TENM3: variants seen among roughly 807,000 people sequenced by gnomAD.
The protein encoded by TENM3 is teneurin-3.
A neutral mutation model predicts 255.1 loss-of-function variants in TENM3; 63 were observed. The ratio of observed to expected loss-of-function variants is 0.25; its 90% CI spans 0.20 to 0.30. The LOEUF (loss-of-function observed/expected upper bound fraction) is 0.30, where lower values mean the gene tolerates loss of function less well. Among genes scored for constraint, TENM3 ranks in the 10% least tolerant of loss-of-function variants. TENM3 has a pLI of 1.00. For synonymous variants in TENM3, 1,306 were observed against 1,322.3 expected (o/e 0.99, Z 0.27); for missense variants, 2,929 against 3,461.1 (o/e 0.85, Z 3.86).
the TENM3 span, among the ~76,000 whole-genome samples, chr4:182,084,177 T>A: frequency 1.3e-5 from 2 of 151,760 alleles, no homozygotes; most frequent in South Asian, 2.1e-4. Context: ...CGCAGACTCG[T>A]TTCTAGCTGC....
chr4:181,615,930 AAAATT>A, the TENM3 span, among the ~76,000 whole-genome samples: 1 of 152,208 alleles, frequency 6.6e-6, no homozygotes, highest in Non-Finnish European at 1.5e-5. Context: ...CTGAGACAGA[AAAATT>A]TTAAGTACTT....
At chr4:182,286,564 G>A (rs1760740900) in intron 1 of TENM3, among the ~76,000 whole-genome samples, 1 of 152,182 alleles carries the variant, frequency 6.6e-6, no homozygotes, top group African/African-American at 2.4e-5. Flanking sequence ...AGATGCAGAA[G>A]GTTGTGGGTG....
the TENM3 span, among the ~76,000 whole-genome samples, chr4:181,653,649 T>C: frequency 6.6e-6 from 1 of 151,848 alleles, no homozygotes; most frequent in Non-Finnish European, 1.5e-5. Context: ...TCTGCCCGCC[T>C]TGGCCTCCCA....
intron 3 of TENM3, among the ~76,000 whole-genome samples, chr4:182,394,095 C>T (rs1374575467): frequency 6.6e-6 from 1 of 150,938 alleles, no homozygotes; most frequent in Non-Finnish European, 1.5e-5. Flanking sequence ...TGGGCTATTT[C>T]AAAACCTACA....
At chr4:182,560,950 T>C (rs1297190996) in intron 3 of TENM3, among the ~76,000 whole-genome samples, 1 of 152,190 alleles carries the variant, frequency 6.6e-6, no homozygotes, top group African/African-American at 2.4e-5. Context: ...AGAAGTAGTG[T>C]AGGATAGAGT....
At chr4:181,892,605 G>T in the TENM3 span, among the ~76,000 whole-genome samples, 1 of 152,162 alleles carries the variant, frequency 6.6e-6, no homozygotes, top group East Asian at 1.9e-4. Flanking sequence ...ATTGTTTCTT[G>T]CCTCTTAGAG....
At chr4:182,482,128 G>A (rs1369191495) in intron 3 of TENM3, among the ~76,000 whole-genome samples, 1 of 152,080 alleles carries the variant, frequency 6.6e-6, no homozygotes, top group Non-Finnish European at 1.5e-5. Context: ...ATTAAATATT[G>A]TATCTATAAC....
chr4:181,680,897 G>T, the TENM3 span, among the ~76,000 whole-genome samples: 1 of 151,960 alleles, frequency 6.6e-6, no homozygotes, highest in East Asian at 1.9e-4. Context: ...TGTCCATGCA[G>T]GTAAATACTG....
the TENM3 span, among the ~76,000 whole-genome samples, chr4:182,100,648 C>CACACACATATATACACACATATAT: frequency 1.2e-5 from 1 of 84,014 alleles, no homozygotes; most frequent in East Asian, 3.2e-4. Flanking sequence ...CATATATATA[C>CACACACATATATACACACATATAT]ACATATATAC....
chr4:182,105,624 C>A, the TENM3 span, among the ~76,000 whole-genome samples: 42 of 152,314 alleles, frequency 2.8e-4, 1 homozygote, highest in African/African-American at 9.1e-4. Flanking sequence ...TGTCTCCCTC[C>A]CATGGAGTTA....
intron 3 of TENM3, among the ~76,000 whole-genome samples, chr4:182,463,377 G>T (rs1291221448): frequency 6.6e-6 from 1 of 152,022 alleles, no homozygotes; most frequent in East Asian, 1.9e-4. Context: ...GTCATTTATT[G>T]TGTAGATTTT....
chr4:181,926,641 AG>A, the TENM3 span, among the ~76,000 whole-genome samples: 1 of 152,082 alleles, frequency 6.6e-6, no homozygotes, highest in African/African-American at 2.4e-5. Context: ...ATGAAAATGG[AG>A]CTTTCTATAA....
the TENM3 span, among the ~76,000 whole-genome samples, chr4:181,610,645 A>T: frequency 0.019 from 2,905 of 152,258 alleles, 38 homozygotes; most frequent in East Asian, 0.038. Flanking sequence ...AATAAAGTTG[A>T]AAAATTACCT....
chr4:182,767,481 TTTG>T (rs964852378), intron 22 of TENM3, among the ~76,000 whole-genome samples: 22 of 152,296 alleles, frequency 1.4e-4, no homozygotes, highest in Non-Finnish European at 2.2e-4. Context: ...ATTGTTTGTT[TTTG>T]TTGTTGTTGG....
intron 10 of TENM3, among the ~76,000 whole-genome samples, 160 bp from the exon 11 acceptor site, chr4:182,681,654 T>G (rs1756187365): frequency 6.6e-6 from 1 of 152,226 alleles, no homozygotes. Flanking sequence ...TTTATTGTAT[T>G]ATAATTCTTT....
At chr4:181,907,903 T>C in the TENM3 span, among the ~76,000 whole-genome samples, 1 of 152,166 alleles carries the variant, frequency 6.6e-6, no homozygotes, top group Non-Finnish European at 1.5e-5. Flanking sequence ...TTTAAAGAAG[T>C]ATTTCCTATT....
At chr4:182,363,599 A>T (rs1766191256) in intron 3 of TENM3, among the ~76,000 whole-genome samples, 1 of 152,084 alleles carries the variant, frequency 6.6e-6, no homozygotes, top group South Asian at 2.1e-4. Context: ...TTTAATGAAC[A>T]CTCGAGACAA....
intron 3 of TENM3, among the ~76,000 whole-genome samples, chr4:182,553,459 A>T (rs950963378): frequency 6.6e-6 from 1 of 151,904 alleles, no homozygotes; most frequent in African/African-American, 2.4e-5. Flanking sequence ...CAGCACACCA[A>T]CATGGCACAT....
At chr4:182,198,674 C>G (rs1022291722) in intron 1 of TENM3, among the ~76,000 whole-genome samples, 2 of 152,196 alleles carry the variant, frequency 1.3e-5, no homozygotes, top group Non-Finnish European at 2.9e-5. Flanking sequence ...CATTTCCTGA[C>G]GAGCAGGTGT....
Sources: allele counts gnomAD v4.1 joint callset (sites outside exome capture counted in the v4.1 genomes callset), GRCh38; gene constraint gnomAD v4.1.1; transcripts MANE v1.5; gene names NCBI Gene and HGNC (gene_info 2026-07-23, HGNC 2026-07-21).